PROZ: variants seen among roughly 807,000 people sequenced by gnomAD.
The protein encoded by PROZ is vitamin K-dependent protein Z.
Under a neutral mutation model 34.9 loss-of-function variants are expected in PROZ, and 46 were observed. That is an observed-to-expected ratio of 1.32 (90% CI 1.04 to 1.69). The LOEUF (loss-of-function observed/expected upper bound fraction) is 1.69. PROZ is among the 40% of genes most tolerant of loss of function. The probability of loss-of-function intolerance (pLI) is 0.00; values close to 1 mark genes in which losing one functional copy is unlikely to be tolerated. For synonymous variants in PROZ, 195 were observed against 208.5 expected (o/e 0.94, Z 0.56); for missense variants, 530 against 520.4 (o/e 1.02, Z -0.18).
chr13:113,163,976 TTTTAA>T (rs1327376582), intron 4 of PROZ, among the ~76,000 whole-genome samples: 4 of 151,182 alleles, frequency 2.6e-5, no homozygotes, highest in Non-Finnish European at 4.4e-5. Context: ...CTTTTTTTTT[TTTTAA>T]TTTTTATTTT....
At chr13:113,167,512 G>A (rs115379983) in intron 6 of PROZ, among the ~76,000 whole-genome samples, 155 of 152,206 alleles carry the variant, frequency 1.0e-3, no homozygotes, top group Non-Finnish European at 1.7e-3. Flanking sequence ...ACAACTTCTC[G>A]TTTTCTCCTT....
Position 113,172,010 on chromosome 13 carries a change from G to C in PROZ, c.1108G>C (p.Val370Leu), listed in dbSNP as rs970594168. ...CAGAGGCTCCTGGTTTCTCACGGGGGTCCTGGGCTCGCAGCCAGTAGGAGG... is the reference window on the plus strand; with the variant it reads ...CAGAGGCTCCTGGTTTCTCACGGGGCTCCTGGGCTCGCAGCCAGTAGGAGG... ...EHRGSWFLTG[V>L]LGSQPVGGQA... The change falls in exon 8 of 8, where the codon GTC becomes CTC. Residue 370 changes from valine to leucine, a missense_variant. Transcript: ENST00000375547. 14 of 1,613,090 alleles carry C rather than the reference G, an allele frequency of 8.7e-6. No homozygotes were observed. Among genetic ancestry groups the C allele is most frequent in the South Asian group, 3.3e-5 (3 of 91,082 alleles).
At chr13:113,163,192 G>T (rs2036797500) in intron 4 of PROZ, 70 bp downstream of exon 4, 1 of 1,271,036 alleles carries the variant, frequency 7.9e-7, no homozygotes, top group African/African-American at 1.5e-5. Flanking sequence ...CTCGGCCAGA[G>T]TCCCAATGGG....
chr13:113,166,301 T>C (rs1394003170), intron 6 of PROZ: 2 of 152,236 alleles, frequency 1.3e-5, no homozygotes, highest in Non-Finnish European at 2.9e-5. Context: ...TTATTTGCCT[T>C]TTTCCTTTAC....
At chr13:113,160,604 A>G (rs1209608201) in intron 2 of PROZ, among the ~76,000 whole-genome samples, 4 of 152,234 alleles carry the variant, frequency 2.6e-5, no homozygotes, top group African/African-American at 7.2e-5. Flanking sequence ...TGACTTCTAT[A>G]TCATGTGCTT....
chr13:113,167,904 G>C (rs1460435992), intron 6 of PROZ, among the ~76,000 whole-genome samples: 1 of 151,976 alleles, frequency 6.6e-6, no homozygotes, highest in African/African-American at 2.4e-5. Flanking sequence ...TTATGATTCT[G>C]TTTTCTCTCC....
rs541935305 is a variant in PROZ at position 113,158,907 on chromosome 13, G to C, written c.70+177G>C. Among the ~76,000 whole-genome samples the C allele has an allele frequency of 4.6e-5, 7 of 152,070 alleles. No homozygotes were observed. The South Asian group carries it at 1.5e-3, about 32-fold the overall frequency. On this transcript the variant is annotated intron_variant, in intron 1 of 7. Transcript: ENST00000375547. The surrounding 1 kb of genome is among the most constrained non-coding windows in gnomAD (Gnocchi z 4.3). ...TTTATCATTTGGTGACAAGTATTTG[G>C]GACATGATAGTGTCACTTGGGGTCC...
chr13:113,162,991 C>A lies in PROZ; in HGVS notation c.260-18C>A. 6.5e-7 allele frequency: 1 copy of A among 1,530,986 alleles called. No individual in the cohort carries two copies. The highest frequency in any genetic ancestry group is 8.9e-7 in the Non-Finnish European group (1 of 1,128,498). The allele number at this position is 1,530,986 out of a possible 1,614,324, so 94.8% of individuals were successfully genotyped here. On this transcript the variant is annotated intron_variant, in intron 3 of 7. Transcript: ENST00000375547. ...CGTTCCTGTCACCACCACCCCAACC[C>A]CCATCCTCCTCCTGCAGGCGGCTCC...
intron 6 of PROZ, chr13:113,166,047 C>T (rs950970841): frequency 9.2e-5 from 14 of 152,226 alleles, no homozygotes; most frequent in African/African-American, 3.4e-4. Flanking sequence ...TTATACCACC[C>T]ACACTGGCTT....
chr13:113,161,631 G>A (rs2036761372), intron 3 of PROZ, among the ~76,000 whole-genome samples: 1 of 152,146 alleles, frequency 6.6e-6, no homozygotes, highest in African/African-American at 2.4e-5. Context: ...CGAAGAAAGG[G>A]CACCCAGCAG....
chr13:113,158,990 G>T lies in PROZ; in HGVS notation c.70+260G>T, dbSNP rs1407766383. Among the ~76,000 whole-genome samples the T allele has an allele frequency of 4.7e-5, 7 of 150,266 alleles. No homozygotes were observed. The highest frequency in any genetic ancestry group is 4.6e-4 in the Admixed American group (7 of 15,118). Reference sequence around the variant, plus strand: ...TGTGCAGGGGATTCAGCCGGGAAAGGCCGGGGAGAGGGGAGGGGGAAAGGG... The same window carrying T: ...TGTGCAGGGGATTCAGCCGGGAAAGTCCGGGGAGAGGGGAGGGGGAAAGGG... On this transcript the variant is annotated intron_variant, in intron 1 of 7. Coordinates refer to ENST00000375547, the MANE Select transcript of PROZ (RefSeq NM_003891.3). This position sits in a 1 kb window ranked among gnomAD's most constrained non-coding sequence, Gnocchi z 4.3.
Position 113,164,734 on chromosome 13 carries a change from G to A in PROZ, c.505+90G>A, listed in dbSNP as rs550025531. 2.2e-4 allele frequency: 336 copies of A among 1,561,724 alleles called. 2 individuals carry two copies. The South Asian group carries it at 3.4e-3, about 16-fold the overall frequency. On this transcript the variant is annotated intron_variant, in intron 5 of 7. Coordinates refer to ENST00000375547, the MANE Select transcript of PROZ (RefSeq NM_003891.3). ...CCTTCTGTAGTACTGGGTGAAGCCC[G>A]CGGATTTGTGATAAGCAGTTGCCAC...
Position 113,170,459 on chromosome 13 carries a change from T to TA in PROZ, c.622dup (p.Ile208AsnfsTer26). The TA allele has an allele frequency of 6.2e-7, 1 of 1,611,332 alleles. No individual in the cohort carries two copies. ...GGAAAAGACTTCTGTGGTGGTGTTA[T>TA]AATACGGGAAAATTTTGTACTGACA... On this transcript the variant is annotated frameshift_variant, in exon 7 of 8. Coordinates refer to ENST00000375547, the MANE Select transcript of PROZ (RefSeq NM_003891.3). LOFTEE classifies it high-confidence loss of function.
In PROZ at chr13:113,159,408, C is replaced by A. The variant is rs1043805160; in HGVS notation, c.71-606C>A. The A allele has an allele frequency of 7.8e-5, 64 of 824,960 alleles. No individual in the cohort carries two copies. Among genetic ancestry groups the A allele is most frequent in the Non-Finnish European group, 1.2e-4 (61 of 527,142 alleles). The allele number at this position is 824,960 out of a possible 1,614,324, so 51.1% of individuals were successfully genotyped here. A position where few individuals can be genotyped will look rare whatever the true frequency, so the allele number is the denominator to read the frequency against. On this transcript the variant is annotated intron_variant, in intron 1 of 7. Transcript: ENST00000375547. This position sits in a 1 kb window ranked among gnomAD's most constrained non-coding sequence, Gnocchi z 4.6. Reference sequence around the variant, plus strand: ...CTTAGCTGAGCCCCCCCTGCTGTAACCCTCAGCACCGAGAGAAAAGGAGGG... The same window carrying A: ...CTTAGCTGAGCCCCCCCTGCTGTAAACCTCAGCACCGAGAGAAAAGGAGGG...
intron 5 of PROZ, 80 bp from the exon 6 acceptor site, chr13:113,164,973 A>T: frequency 1.4e-6 from 2 of 1,382,942 alleles, no homozygotes; most frequent in Admixed American, 3.4e-5. Context: ...GAATTATGCA[A>T]CGGTTAACAC....
chr13:113,167,823 TTGC>T (rs1284889396), intron 6 of PROZ, among the ~76,000 whole-genome samples: 10 of 17,082 alleles, frequency 5.9e-4, no homozygotes, highest in Non-Finnish European at 3.1e-3. Flanking sequence ...AGCTATCATC[TTGC>T]TATCTTTTAT....
intron 6 of PROZ, among the ~76,000 whole-genome samples, chr13:113,167,893 GT>G (rs2138599152): frequency 6.6e-6 from 1 of 152,040 alleles, no homozygotes; most frequent in Non-Finnish European, 1.5e-5. Flanking sequence ...ACTATATATT[GT>G]TATGATTCTG....
At chr13:113,164,397 CTT>C (rs1477278652) in intron 4 of PROZ, 114 bp from the exon 5 acceptor site, 6 of 1,230,958 alleles carry the variant, frequency 4.9e-6, no homozygotes, top group African/African-American at 4.5e-5. Context: ...CACCAGAACT[CTT>C]GTGTGCAAGG....
chr13:113,163,815 G>A (rs1457333273), intron 4 of PROZ, among the ~76,000 whole-genome samples: 1 of 151,256 alleles, frequency 6.6e-6, no homozygotes, highest in African/African-American at 2.4e-5. Flanking sequence ...AGCCACCACC[G>A]ATGTCACACT....
Sources: allele counts gnomAD v4.1 joint callset (sites outside exome capture counted in the v4.1 genomes callset), GRCh38; gene constraint gnomAD v4.1.1; non-coding constraint Gnocchi (gnomAD v3.1); transcripts MANE v1.5; gene names NCBI Gene and HGNC (gene_info 2026-07-23, HGNC 2026-07-21).